The following SUN1 variants were observed in gnomAD, a reference collection of about 807,000 sequenced individuals.
The protein encoded by SUN1 is Sad1 and UNC84 domain containing 1, also known as SUN domain-containing protein 1.
SUN1 carries 61 observed loss-of-function variants against 103.2 expected under a neutral mutation model. The ratio of observed to expected loss-of-function variants is 0.59; its 90% CI spans 0.48 to 0.73. The LOEUF (loss-of-function observed/expected upper bound fraction) is 0.73, where lower values mean the gene tolerates loss of function less well. SUN1 is among the 30% of genes least tolerant of loss of function. The probability of loss-of-function intolerance (pLI) is 0.00; values close to 1 mark genes in which losing one functional copy is unlikely to be tolerated. For missense variants in SUN1, 1,052 were observed against 1,034.6 expected, an observed-to-expected ratio of 1.02 and a Z score of -0.23; for synonymous variants, 490 against 425.7, an observed-to-expected ratio of 1.15 and a Z score of -1.86.
intron 15 of SUN1, among the ~76,000 whole-genome samples, chr7:864,119 G>A (rs1044956276): frequency 6.6e-6 from 1 of 152,074 alleles, no homozygotes; most frequent in Middle Eastern, 3.2e-3. Context: ...GGGTACATAG[G>A]TGCACATATT....
At chr7:834,359 G>C (rs777381626) in intron 1 of SUN1, among the ~76,000 whole-genome samples, 1 of 152,150 alleles carries the variant, frequency 6.6e-6, no homozygotes, top group Non-Finnish European at 1.5e-5. Context: ...GGAGTGCCTC[G>C]GGGAGGTCCA....
At chr7:855,726 G>A (rs997303852) in intron 11 of SUN1, among the ~76,000 whole-genome samples, 6 of 152,214 alleles carry the variant, frequency 3.9e-5, no homozygotes, top group African/African-American at 1.4e-4. Context: ...GAATGTACCC[G>A]CCTGCGAGGG....
At chr7:870,679 C>T (rs1840871068) in intron 17 of SUN1, among the ~76,000 whole-genome samples, 1 of 146,806 alleles carries the variant, frequency 6.8e-6, no homozygotes, top group African/African-American at 2.5e-5. Context: ...AGCATCAATC[C>T]CCCGTGTTTA....
chr7:871,282 T>G (rs1841474449), intron 17 of SUN1, among the ~76,000 whole-genome samples: 1 of 152,216 alleles, frequency 6.6e-6, no homozygotes, highest in South Asian at 2.1e-4. Context: ...CTTATGAATA[T>G]TTGAGCTTTT....
At position 855,503 on chromosome 7, in the gene SUN1, G is replaced by A. The variant is rs540872579; in HGVS notation, c.1350+497G>A. Among the ~76,000 whole-genome samples the A allele has an allele frequency of 9.8e-5, 15 of 152,340 alleles. No homozygotes were observed. The South Asian group carries it at 1.0e-3, about 11-fold the overall frequency. On this transcript the variant is annotated intron_variant, in intron 11 of 18. Coordinates refer to ENST00000401592, the MANE Select transcript of SUN1 (RefSeq NM_001130965.3). Reference sequence around the variant, plus strand: ...GGGAGTCGGGTCGGGCTCAGGTTCCGGCTCTTTGTGTCTCTGGTGCTTGAC... The same window carrying A: ...GGGAGTCGGGTCGGGCTCAGGTTCCAGCTCTTTGTGTCTCTGGTGCTTGAC...
chr7:833,062 C>T (rs1377007075), intron 1 of SUN1: 2 of 157,322 alleles, frequency 1.3e-5, no homozygotes, highest in Non-Finnish European at 2.8e-5. Flanking sequence ...ATTCATATTC[C>T]GATCCACTGA....
At chr7:872,110 G>A (rs965484518) in intron 17 of SUN1, among the ~76,000 whole-genome samples, 1 of 152,200 alleles carries the variant, frequency 6.6e-6, no homozygotes, top group Admixed American at 6.5e-5. Flanking sequence ...GGGCTCAGCA[G>A]GTGCTCCAGA....
At chr7:865,431 GCTGAATAGTA>G (rs1290223502) in intron 15 of SUN1, among the ~76,000 whole-genome samples, 7 of 152,246 alleles carry the variant, frequency 4.6e-5, no homozygotes, top group African/African-American at 7.2e-5. Context: ...GTTTTTTATG[GCTGAATAGTA>G]CTCCATTGTG....
At chr7:822,574 G>A (rs1029128570) in intron 1 of SUN1, among the ~76,000 whole-genome samples, 2 of 152,122 alleles carry the variant, frequency 1.3e-5, no homozygotes, top group Non-Finnish European at 2.9e-5. Context: ...TAATATTATT[G>A]TAAGATGTGA....
At chr7:870,395 G>C (rs1387317455) in intron 17 of SUN1, among the ~76,000 whole-genome samples, 3 of 152,008 alleles carry the variant, frequency 2.0e-5, no homozygotes, top group African/African-American at 7.3e-5. Context: ...TTCGAGACCA[G>C]CCTGGCCAAA....
At chr7:853,264 A>G in intron 9 of SUN1, 145 bp from the exon 10 acceptor site, 2 of 930,614 alleles carry the variant, frequency 2.1e-6, no homozygotes, top group Non-Finnish European at 3.2e-6. Context: ...CAAACCTGAT[A>G]CTCCGGGTTT....
intron 2 of SUN1, among the ~76,000 whole-genome samples, chr7:840,016 T>A (rs1228878612): frequency 6.6e-6 from 1 of 152,246 alleles, no homozygotes; most frequent in Non-Finnish European, 1.5e-5. Flanking sequence ...ACAAGATCTT[T>A]GTGCCATTTA....
chr7:857,935 C>A lies in SUN1; in HGVS notation c.1502C>A (p.Thr501Lys). The change falls in exon 13 of 19, where the codon ACA becomes AAA. Residue 501 changes from threonine to lysine, a missense_variant. By Grantham distance (78) the Thr-to-Lys change is moderately conservative. Transcript: ENST00000401592. ...CGACACGTGAAGACCGGCTGTGAGA[C>A]AGTGGATGCCGTACAAGAAAGAGTG... Reference protein sequence around the residue: ...SWRHVKTGCETVDAVQERVDV... With the variant: ...SWRHVKTGCEKVDAVQERVDV... The A allele has an allele frequency of 6.3e-7, 1 of 1,591,472 alleles. No individual in the cohort carries two copies.
At chr7:843,279 G>A (rs761141119) in intron 4 of SUN1, 47 bp downstream of exon 4, 4 of 1,604,980 alleles carry the variant, frequency 2.5e-6, no homozygotes, top group Non-Finnish European at 2.5e-6. Flanking sequence ...CAAAATAGAA[G>A]TTTTAGTTAA....
intron 1 of SUN1, chr7:817,425 G>A (rs1275721134): frequency 6.5e-7 from 1 of 1,535,998 alleles, no homozygotes; most frequent in South Asian, 1.2e-5. Context: ...AAAATAAGCA[G>A]CGGCGGGGAA....
chr7:825,971 G>C (rs888866100), intron 1 of SUN1, among the ~76,000 whole-genome samples: 1 of 151,878 alleles, frequency 6.6e-6, no homozygotes, highest in Non-Finnish European at 1.5e-5. Context: ...GGCTGGGCAT[G>C]GTAGCTCACA....
chr7:851,516 C>G (rs778760986), intron 6 of SUN1, 34 bp downstream of exon 6: 1 of 1,550,878 alleles, frequency 6.4e-7, no homozygotes, highest in South Asian at 1.2e-5. Context: ...TGCGTTCTCT[C>G]CAGAGCTTCT....
intron 7 of SUN1, chr7:852,279 G>C: frequency 1.7e-6 from 1 of 599,900 alleles, no homozygotes; most frequent in South Asian, 2.1e-5. Flanking sequence ...GAGGGCCTGG[G>C]CAGGATGGGG....
chr7:833,460 G>A (rs758883354), intron 1 of SUN1, among the ~76,000 whole-genome samples: 6 of 152,068 alleles, frequency 3.9e-5, no homozygotes, highest in Middle Eastern at 3.4e-3. Context: ...ACAGACGTGC[G>A]CCACCACGCC....
Sources: gnomAD v4.1 joint callset for allele counts (sites outside exome capture counted in the v4.1 genomes callset) on GRCh38, gnomAD v4.1.1 for gene constraint, MANE v1.5 for transcripts, NCBI Gene and HGNC (gene_info 2026-07-23, HGNC 2026-07-21) for gene names.